Variants in SULF2 observed in about 807,000 individuals in gnomAD.
SULF2 encodes the protein extracellular sulfatase Sulf-2.
A neutral mutation model predicts 107.7 loss-of-function variants in SULF2; 52 were observed. The ratio of observed to expected loss-of-function variants is 0.48; its 90% CI spans 0.39 to 0.61. SULF2 has a LOEUF of 0.61. Among genes scored for constraint, SULF2 ranks in the 20% least tolerant of loss-of-function variants. The pLI is 0.00. For synonymous variants in SULF2, 460 were observed against 464.3 expected (o/e 0.99, Z 0.12); for missense variants, 993 against 1,177.3 (o/e 0.84, Z 2.29).
At chr20:47,676,449 G>A (rs375069650) in intron 10 of SULF2, 45 bp downstream of exon 10, 1 of 1,591,360 alleles carries the variant, frequency 6.3e-7, no homozygotes, top group Non-Finnish European at 8.5e-7. Flanking sequence ...AGGGCCGGCT[G>A]CAGTCAGGAG....
chr20:47,757,437 T>C lies in SULF2; in HGVS notation c.-74A>G, dbSNP rs144319053. ...AGTTGCGTCTGTGGCTTTGTTTCTT[T>C]TCCCTCGTCCCTCTTCACTCGCAGA... On this transcript the variant is annotated 5_prime_UTR_variant, in exon 2 of 21. Transcript: ENST00000688720. 974 of 1,468,376 alleles carry C rather than the reference T, an allele frequency of 6.6e-4. 4 individuals are homozygous for C. In the African/African-American group the frequency reaches 0.013, roughly 19 times the overall value. The allele number at this position is 1,468,376 out of a possible 1,614,324, so 91.0% of individuals were successfully genotyped here.
At position 47,747,012 on chromosome 20, in the gene SULF2, T is replaced by TAC. The variant is rs773202421; in HGVS notation, c.176-10071_176-10070insGT. ...AAAAAAAAATATATATATATATATA[T>TAC]ATATATACACACACACACACATAAA... On this transcript the variant is annotated intron_variant, in intron 2 of 20. Transcript: ENST00000688720. 2.2e-3 allele frequency among the ~76,000 whole-genome samples: 222 copies of TAC among 100,612 alleles called. 1 individual carries two copies. Among genetic ancestry groups the TAC allele is most frequent in the African/African-American group, 6.0e-3 (188 of 31,410 alleles). 66.0% of individuals were successfully genotyped at this position (100,612 alleles called of 152,430 possible).
At chr20:47,723,253 A>G (rs78803367) in intron 3 of SULF2, among the ~76,000 whole-genome samples, 86 of 141,974 alleles carry the variant, frequency 6.1e-4, no homozygotes, top group African/African-American at 1.4e-3. Context: ...CAAAAAAAAG[A>G]AAAAAAAAAA....
intron 5 of SULF2, 60 bp from the exon 6 acceptor site, chr20:47,684,641 C>T (rs1460163471): frequency 1.3e-6 from 2 of 1,559,168 alleles, no homozygotes; most frequent in Non-Finnish European, 1.7e-6. Flanking sequence ...CCTGCCTGGC[C>T]CCCGCCAGAC....
chr20:47,755,483 C>T (rs1276855008), intron 2 of SULF2, among the ~76,000 whole-genome samples: 1 of 152,190 alleles, frequency 6.6e-6, no homozygotes, highest in Admixed American at 6.5e-5. Flanking sequence ...TATTCAGCCA[C>T]TCACCTGTTG....
chr20:47,704,341 C>CG (rs2088661390), intron 3 of SULF2, among the ~76,000 whole-genome samples: 1 of 152,014 alleles, frequency 6.6e-6, no homozygotes, highest in Admixed American at 6.6e-5. Flanking sequence ...GGCACCATCA[C>CG]GGCTCACTGC....
At chr20:47,673,824 G>A (rs1028984226) in intron 10 of SULF2, among the ~76,000 whole-genome samples, 9 of 152,240 alleles carry the variant, frequency 5.9e-5, no homozygotes, top group African/African-American at 1.9e-4. Context: ...GGGGAGCACA[G>A]GCCCAGAAGC....
chr20:47,733,091 G>C (rs1007329722), intron 3 of SULF2, among the ~76,000 whole-genome samples: 6 of 152,188 alleles, frequency 3.9e-5, no homozygotes, highest in African/African-American at 1.4e-4. Flanking sequence ...TATTTTAAAA[G>C]ATGCAGGGTT....
At chr20:47,739,540 C>T (rs1455229650) in intron 2 of SULF2, among the ~76,000 whole-genome samples, 1 of 152,222 alleles carries the variant, frequency 6.6e-6, no homozygotes, top group Non-Finnish European at 1.5e-5. Context: ...ATTGATCAGA[C>T]ACCACCTTCT....
At chr20:47,747,712 C>G (rs12625437) in intron 2 of SULF2, among the ~76,000 whole-genome samples, 2 of 151,788 alleles carry the variant, frequency 1.3e-5, no homozygotes, top group Non-Finnish European at 2.9e-5. Flanking sequence ...GCAAAGCAAC[C>G]TAATGTCCCC....
chr20:47,719,029 T>C (rs1422020218), intron 3 of SULF2, among the ~76,000 whole-genome samples: 1 of 152,228 alleles, frequency 6.6e-6, no homozygotes, highest in Non-Finnish European at 1.5e-5. Flanking sequence ...AACCTATAAC[T>C]AGCATCCCCT....
chr20:47,758,857 G>T (rs1422131304), intron 1 of SULF2, among the ~76,000 whole-genome samples: 6 of 152,206 alleles, frequency 3.9e-5, no homozygotes, highest in African/African-American at 1.4e-4. Flanking sequence ...CCTTGAAAGG[G>T]TCTGTTTGTC....
Position 47,695,289 on chromosome 20 carries a change from TA to T in SULF2, c.568-4995del, listed in dbSNP as rs11482656. Among the ~76,000 whole-genome samples the T allele has an allele frequency of 8.9e-3, 1,337 of 150,024 alleles. 23 individuals are homozygous for T. Among genetic ancestry groups the T allele is most frequent in the African/African-American group, 0.029 (1,180 of 41,098 alleles). On this transcript the variant is annotated intron_variant, in intron 4 of 20. Coordinates refer to ENST00000688720, the MANE Select transcript of SULF2 (RefSeq NM_001387048.1). The stretch of plus-strand genomic sequence containing the variant: ...ATTACTCTTAAAAGCTTTATTGTGG[TA>T]AAAAAAAAATGAGCTGTATGCTTTT...
intron 3 of SULF2, among the ~76,000 whole-genome samples, chr20:47,714,983 T>C (rs986766111): frequency 2.6e-5 from 4 of 152,142 alleles, no homozygotes; most frequent in Admixed American, 6.5e-5. Flanking sequence ...AGTGGTGCGG[T>C]CGTGGCTCAC....
At chr20:47,672,504 G>A in intron 10 of SULF2, 111 bp from the exon 11 acceptor site, 1 of 1,440,800 alleles carries the variant, frequency 6.9e-7, no homozygotes, top group Non-Finnish European at 9.1e-7. Context: ...CTTGCATCCA[G>A]CTGTTACCGA....
Position 47,695,717 on chromosome 20 carries a change from G to A in SULF2, c.568-5422C>T, listed in dbSNP as rs140283767. Among the ~76,000 whole-genome samples the A allele has an allele frequency of 9.7e-3, 1,469 of 152,220 alleles. 20 individuals carry two copies. Among genetic ancestry groups the A allele is most frequent in the African/African-American group, 0.034 (1,407 of 41,520 alleles). ...CAGCCTCTGCCTCCTGGGTTCAAGCGATTCTCCTGCCTCAGCCTCCCAAGT... is the reference window on the plus strand; with the variant it reads ...CAGCCTCTGCCTCCTGGGTTCAAGCAATTCTCCTGCCTCAGCCTCCCAAGT... On this transcript the variant is annotated intron_variant, in intron 4 of 20. Coordinates refer to ENST00000688720, the MANE Select transcript of SULF2 (RefSeq NM_001387048.1).
chr20:47,676,940 T>A lies in SULF2; in HGVS notation c.1250+138A>T. On this transcript the variant is annotated intron_variant, in intron 9 of 20. Transcript: ENST00000688720. ...GTGTCTATAGGAGCAGTGAATGGGC[T>A]TTGTGTTTAGGGGCCTTTGGACCAA... 3.4e-6 allele frequency: 3 copies of A among 893,586 alleles called. No individual in the cohort carries two copies. In the South Asian group the frequency reaches 4.7e-5, roughly 14 times the overall value. 55.4% of individuals were successfully genotyped at this position (893,586 alleles called of 1,614,324 possible).
At chr20:47,696,407 C>CA (rs1348949695) in intron 4 of SULF2, among the ~76,000 whole-genome samples, 1 of 151,734 alleles carries the variant, frequency 6.6e-6, no homozygotes, top group Admixed American at 6.6e-5. Flanking sequence ...TTACCACCCC[C>CA]CCACCCCCAT....
chr20:47,738,843 T>C (rs1056454552), intron 2 of SULF2, among the ~76,000 whole-genome samples: 8 of 152,178 alleles, frequency 5.3e-5, no homozygotes, highest in Non-Finnish European at 1.0e-4. Context: ...GACAGACCAA[T>C]ACAGGGTGTC....
Sources: allele counts gnomAD v4.1 joint callset (sites outside exome capture counted in the v4.1 genomes callset), GRCh38; gene constraint gnomAD v4.1.1; transcripts MANE v1.5; gene names NCBI Gene and HGNC (gene_info 2026-07-23, HGNC 2026-07-21).